DAB1: variants seen among roughly 807,000 people sequenced by gnomAD.
The protein encoded by DAB1 is disabled homolog 1.
In DAB1, 15 loss-of-function variants were observed where a neutral mutation model predicts 64.6. The ratio of observed to expected loss-of-function variants is 0.23; its 90% CI spans 0.16 to 0.36. DAB1 has a LOEUF of 0.36. DAB1 is among the 10% of genes least tolerant of loss of function. DAB1 has a pLI of 1.00. For synonymous variants in DAB1, 235 were observed against 251.9 expected, an observed-to-expected ratio of 0.93 and a Z score of 0.64; for missense variants, 596 against 706.7, an observed-to-expected ratio of 0.84 and a Z score of 1.78.
intron 2 of DAB1, among the ~76,000 whole-genome samples, chr1:57,264,899 T>C (rs1362720403): frequency 6.6e-6 from 1 of 152,228 alleles, no homozygotes; most frequent in African/African-American, 2.4e-5. Context: ...TCAGAAAAAA[T>C]AACTGCTTAC....
intron 4 of DAB1, among the ~76,000 whole-genome samples, chr1:58,274,674 A>G (rs1292751453): frequency 6.6e-6 from 1 of 151,668 alleles, no homozygotes; most frequent in Non-Finnish European, 1.5e-5. Flanking sequence ...TGGGCGTAGG[A>G]CCCTCAGAGC....
intron 2 of DAB1, among the ~76,000 whole-genome samples, chr1:57,235,358 T>C (rs1367894473): frequency 6.6e-6 from 1 of 152,204 alleles, no homozygotes; most frequent in African/African-American, 2.4e-5. Flanking sequence ...ACACAAGAGA[T>C]GTTATTTGTA....
At chr1:57,821,761 TTCTATAATAAGTTAAAAAA>T (rs1652132260), downstream of DAB1, among the ~76,000 whole-genome samples, 1 of 152,220 alleles carries the variant, frequency 6.6e-6, no homozygotes, top group Non-Finnish European at 1.5e-5. Context: ...CCAGCAGGCT[TTCTATAATAAGTTAAAAAA>T]TCAAAATCAT....
intron 8 of DAB1, among the ~76,000 whole-genome samples, chr1:57,068,467 A>G (rs1651139738): frequency 6.6e-6 from 1 of 152,222 alleles, no homozygotes; most frequent in Non-Finnish European, 1.5e-5. Context: ...GAAATTGAAA[A>G]TATGTTTTAC....
At position 57,900,595 on chromosome 1, in the gene DAB1, G is replaced by T. The variant is rs563969369; in HGVS notation, n.388-16433C>A. On this transcript the variant is annotated intron_variant and non_coding_transcript_variant, in intron 5 of 20. Transcript: ENST00000485760. Reference sequence around the variant, plus strand: ...ACACTGGTTTCTCTTTCCTCAACTGGGGAAATATAAGTCAATCCATCCTTC... The same window carrying T: ...ACACTGGTTTCTCTTTCCTCAACTGTGGAAATATAAGTCAATCCATCCTTC... 4.6e-5 allele frequency among the ~76,000 whole-genome samples: 7 copies of T among 152,250 alleles called. No homozygotes were observed. In the South Asian group the frequency reaches 1.5e-3, roughly 32 times the overall value.
chr1:57,875,626 AC>A (rs1446010825), intron 1 of DAB1, among the ~76,000 whole-genome samples: 1 of 152,204 alleles, frequency 6.6e-6, no homozygotes, highest in African/African-American at 2.4e-5. Flanking sequence ...TGTCTTGCTG[AC>A]AGACTAGCAT....
chr1:57,521,090 T>C (rs1644520601), intron 7 of DAB1, among the ~76,000 whole-genome samples: 1 of 152,166 alleles, frequency 6.6e-6, no homozygotes, highest in African/African-American at 2.4e-5. Flanking sequence ...GTTTCAAGAA[T>C]GAACTAGAAC....
chr1:57,618,680 A>T (rs1366325836), intron 7 of DAB1, among the ~76,000 whole-genome samples: 1 of 152,126 alleles, frequency 6.6e-6, no homozygotes, highest in Admixed American at 6.5e-5. Context: ...GCCTTTCCGG[A>T]GCCTTTTGGA....
intron 2 of DAB1, among the ~76,000 whole-genome samples, chr1:57,232,583 T>A (rs1667768808): frequency 1.3e-5 from 2 of 152,158 alleles, no homozygotes; most frequent in South Asian, 4.1e-4. Context: ...AAATGCACTC[T>A]TCCCAGTTTT....
At chr1:58,406,324 A>C (rs1644615238) in intron 3 of DAB1, among the ~76,000 whole-genome samples, 1 of 152,160 alleles carries the variant, frequency 6.6e-6, no homozygotes, top group Admixed American at 6.5e-5. Flanking sequence ...CTGAAAGCAA[A>C]AAGAGAACGA....
chr1:57,895,430 AT>A (rs1644378649), intron 5 of DAB1, among the ~76,000 whole-genome samples: 1 of 152,070 alleles, frequency 6.6e-6, no homozygotes, highest in South Asian at 2.1e-4. Flanking sequence ...TAACCATCAC[AT>A]TATTGCCTCT....
At chr1:57,257,268 A>T (rs1294562770) in intron 2 of DAB1, among the ~76,000 whole-genome samples, 1 of 152,170 alleles carries the variant, frequency 6.6e-6, no homozygotes, top group African/African-American at 2.4e-5. Context: ...CAAATTGCCT[A>T]GATGTCTCCA....
At chr1:57,648,311 C>G (rs1386079624) in intron 7 of DAB1, among the ~76,000 whole-genome samples, 1 of 152,008 alleles carries the variant, frequency 6.6e-6, no homozygotes, top group African/African-American at 2.4e-5. Context: ...GGCGAGTGTC[C>G]CCCGACCCCA....
At chr1:57,415,294 C>T (rs1684413077) in intron 1 of DAB1, among the ~76,000 whole-genome samples, 1 of 149,734 alleles carries the variant, frequency 6.7e-6, no homozygotes, top group African/African-American at 2.5e-5. Flanking sequence ...TATGCACACA[C>T]TCCACATGGA....
At chr1:57,196,506 A>C (rs531326785) in intron 2 of DAB1, among the ~76,000 whole-genome samples, 1 of 152,250 alleles carries the variant, frequency 6.6e-6, no homozygotes, top group Non-Finnish European at 1.5e-5. Context: ...TTGAAGTCCC[A>C]GACAGCATAA....
At chr1:57,227,519 T>TTGTGTGTGTGTGTGTGTG (rs57671970) in intron 2 of DAB1, among the ~76,000 whole-genome samples, 1 of 135,726 alleles carries the variant, frequency 7.4e-6, no homozygotes, top group Non-Finnish European at 1.6e-5. Context: ...TTTTTTTCTT[T>TTGTGTGTGTGTGTGTGTG]TGTGTGTGTG....
Position 57,605,099 on chromosome 1 carries a change from GGAA to G in DAB1, n.625+44490_625+44492del, listed in dbSNP as rs548247954. On this transcript the variant is annotated intron_variant and non_coding_transcript_variant, in intron 7 of 20. Coordinates refer to the DAB1 transcript ENST00000485760. The stretch of plus-strand genomic sequence containing the variant: ...GAACCACTCTGGGGAGATGATGTTT[GGAA>G]GAAGAACTTTAAAATGAGAAGGAGA... 7.8e-4 allele frequency among the ~76,000 whole-genome samples: 118 copies of G among 152,248 alleles called. 1 individual carries two copies. Among genetic ancestry groups the G allele is most frequent in the East Asian group, 3.1e-3 (16 of 5,180 alleles).
intron 7 of DAB1, among the ~76,000 whole-genome samples, chr1:57,620,364 C>T (rs1338536221): frequency 2.6e-5 from 4 of 152,124 alleles, no homozygotes; most frequent in Non-Finnish European, 5.9e-5. Context: ...CAGGGTTAAA[C>T]GAGAATGATA....
chr1:57,657,942 C>G (rs1392082552), intron 6 of DAB1, among the ~76,000 whole-genome samples: 1 of 152,154 alleles, frequency 6.6e-6, no homozygotes. Flanking sequence ...CAGATTGATT[C>G]ATTTACCAAG....
Sources: gnomAD v4.1 joint callset for allele counts (sites outside exome capture counted in the v4.1 genomes callset) on GRCh38, gnomAD v4.1.1 for gene constraint, MANE v1.5 for transcripts, NCBI Gene and HGNC (gene_info 2026-07-23, HGNC 2026-07-21) for gene names.